KCNC4: variants seen among roughly 807,000 people sequenced by gnomAD.
The protein encoded by KCNC4 is potassium voltage-gated channel subfamily C member 4.
In KCNC4, 23 loss-of-function variants were observed where a neutral mutation model predicts 42.8. That is an observed-to-expected ratio of 0.54 (90% CI 0.39 to 0.76). The LOEUF (loss-of-function observed/expected upper bound fraction) is 0.76, where lower values mean the gene tolerates loss of function less well. Among genes scored for constraint, KCNC4 ranks in the 30% least tolerant of loss-of-function variants. The pLI, the probability that KCNC4 is intolerant of heterozygous loss-of-function variation, is 0.00. For missense variants in KCNC4, 751 were observed against 898.2 expected (o/e 0.84, Z 2.10); for synonymous variants, 422 against 393.5 (o/e 1.07, Z -0.86).
intron 1 of KCNC4, among the ~76,000 whole-genome samples, chr1:110,280,447 G>A (rs921803882): frequency 6.6e-6 from 1 of 152,084 alleles, no homozygotes; most frequent in Non-Finnish European, 1.5e-5. Context: ...TGAGACCTTA[G>A]GGAAGGCGGA....
intron 1 of KCNC4, among the ~76,000 whole-genome samples, chr1:110,263,814 C>T (rs1659493684): frequency 7.5e-6 from 1 of 134,186 alleles, no homozygotes; most frequent in Non-Finnish European, 1.5e-5. Flanking sequence ...CTCTAGCAAG[C>T]TTTCAGTGAG....
intron 1 of KCNC4, among the ~76,000 whole-genome samples, chr1:110,279,022 A>T (rs1446657374): frequency 2.0e-5 from 3 of 152,076 alleles, no homozygotes; most frequent in Non-Finnish European, 4.4e-5. Context: ...GGGGTGGGGA[A>T]GCTCTTCATC....
At chr1:110,246,869 A>G (rs935092489) in exon 4 of KCNC4, 2 of 150,696 alleles carry the variant, frequency 1.3e-5, no homozygotes, top group African/African-American at 4.9e-5. Flanking sequence ...CGGTCACTCA[A>G]ATAACATACA....
intron 1 of KCNC4, among the ~76,000 whole-genome samples, chr1:110,217,544 C>G (rs1395648281): frequency 6.6e-6 from 1 of 152,176 alleles, no homozygotes; most frequent in East Asian, 1.9e-4. Context: ...TTCCATTTGA[C>G]TGAATAGCGG....
In KCNC4 at chr1:110,233,212, A is replaced by T. The variant is rs1175994089; in HGVS notation, c.*240A>T. On this transcript the variant is annotated 3_prime_UTR_variant, in exon 4 of 4. Transcript: ENST00000438661. ...TATAGTATCTATATTCATACATATT[A>T]TACTCTTGTGTGTAGTGCACGTGCT... 6 of 600,892 alleles carry T rather than the reference A, an allele frequency of 1.0e-5. No homozygotes were observed. The highest frequency in any genetic ancestry group is 1.9e-5 in the African/African-American group (1 of 53,868). 37.2% of individuals were successfully genotyped at this position (600,892 alleles called of 1,614,324 possible). A position where few individuals can be genotyped will look rare whatever the true frequency, so the allele number is the denominator to read the frequency against.
At chr1:110,217,489 G>A (rs1415497873) in intron 1 of KCNC4, among the ~76,000 whole-genome samples, 6 of 152,234 alleles carry the variant, frequency 3.9e-5, no homozygotes, top group Non-Finnish European at 8.8e-5. Context: ...ACCAGCTCAA[G>A]CAGAGCTTGG....
At chr1:110,231,507 T>A (rs1025162227) in intron 3 of KCNC4, among the ~76,000 whole-genome samples, 3 of 152,178 alleles carry the variant, frequency 2.0e-5, no homozygotes, top group African/African-American at 7.2e-5. Context: ...ACAGCCTTGC[T>A]GTGACTCCTT....
intron 3 of KCNC4, among the ~76,000 whole-genome samples, chr1:110,228,371 C>T (rs1359654870): frequency 2.0e-5 from 3 of 152,098 alleles, no homozygotes; most frequent in Non-Finnish European, 4.4e-5. Context: ...GTGTGGGGCC[C>T]TGGAGTCTGT....
At position 110,211,960 on chromosome 1, in the gene KCNC4, C is replaced by T; in HGVS notation, c.461C>T (p.Ala154Val). 1 of 1,611,218 alleles carries T rather than the reference C, an allele frequency of 6.2e-7. No homozygotes were observed. The highest frequency in any genetic ancestry group is 8.5e-7 in the Non-Finnish European group (1 of 1,179,716). Residue 154 changes from alanine to valine, a missense_variant, in exon 1 of 4, where the codon GCC becomes GTC. Transcript: ENST00000438661. The surrounding 1 kb of genome is among the most constrained non-coding windows in gnomAD (Gnocchi z 6.5). ...CWMTYRQHRD[A>V]EEALDIFESP... is the part of the protein sequence containing the mutation. ...ATGACCTACCGGCAGCACCGCGACG[C>T]CGAGGAGGCGCTCGACATCTTCGAG... is the stretch of plus-strand genomic sequence containing the variant.
intron 3 of KCNC4, chr1:110,228,388 G>A (rs1437049434): frequency 6.6e-6 from 1 of 152,312 alleles, no homozygotes; most frequent in Non-Finnish European, 1.5e-5. Flanking sequence ...CTGTCCTCAG[G>A]AGCCCAGGAG....
intron 3 of KCNC4, chr1:110,228,995 C>T (rs535320552): frequency 6.6e-6 from 1 of 152,358 alleles, no homozygotes; most frequent in South Asian, 2.1e-4. Flanking sequence ...CTCTCGGGGT[C>T]CCACCAGGGC....
chr1:110,276,972 AT>A (rs758109358), intron 1 of KCNC4, among the ~76,000 whole-genome samples: 23 of 152,108 alleles, frequency 1.5e-4, no homozygotes, highest in Non-Finnish European at 2.6e-4. Context: ...CCACCCACAC[AT>A]TTTTCATTAT....
At chr1:110,232,232 C>T in intron 3 of KCNC4, 2 of 1,613,968 alleles carry the variant, frequency 1.2e-6, no homozygotes, top group Non-Finnish European at 8.5e-7. Flanking sequence ...CACATTCGTC[C>T]TCCGTGACCT....
In KCNC4 at chr1:110,226,139, A is replaced by G. The variant is rs772336869; in HGVS notation, c.1780A>G (p.Thr594Ala). ...KKAAACFLLS[T>A]GDYACADGSV... is the part of the protein sequence containing the mutation. The stretch of plus-strand genomic sequence containing the variant: ...GGCAGCTGCCTGCTTCCTGCTCAGC[A>G]CTGGGGACTATGCCTGCGCCGATGG... The change falls in exon 3 of 4, where the codon ACT becomes GCT. Residue 594 changes from threonine to alanine, a missense_variant. This residue lies in a region of KCNC4 where 202 missense variants were observed against 181.5 expected (regional missense o/e 1.11). Coordinates refer to ENST00000438661, the MANE Select transcript of KCNC4 (RefSeq NM_001039574.3). The G allele has an allele frequency of 3.7e-6, 6 of 1,613,986 alleles. No individual in the cohort carries two copies. The South Asian group carries it at 6.6e-5, about 18-fold the overall frequency.
Position 110,223,538 on chromosome 1 carries a change from C to T in KCNC4, c.1253C>T (p.Thr418Ile). The T allele has an allele frequency of 6.2e-7, 1 of 1,613,972 alleles. No individual in the cohort carries two copies. The change falls in exon 2 of 4, where the codon ACC becomes ATC. Residue 418 changes from threonine to isoleucine, a missense_variant. Around this residue, in one of 4 missense-constraint regions of KCNC4, gnomAD observed 185 missense variants for 293.7 expected, o/e 0.63. Coordinates refer to ENST00000438661, the MANE Select transcript of KCNC4 (RefSeq NM_001039574.3). This position sits in a 1 kb window ranked among gnomAD's most constrained non-coding sequence, Gnocchi z 7.5. Reference sequence around the variant, plus strand: ...TCCGACCCTCGGGGTAATGACCACACCGACTTCAAGAACATCCCCATTGGC... The same window carrying T: ...TCCGACCCTCGGGGTAATGACCACATCGACTTCAAGAACATCCCCATTGGC... The part of the protein sequence containing the change: ...RPSDPRGNDH[T>I]DFKNIPIGFW...
At chr1:110,228,323 A>G (rs1658515195) in intron 3 of KCNC4, among the ~76,000 whole-genome samples, 1 of 152,066 alleles carries the variant, frequency 6.6e-6, no homozygotes, top group Non-Finnish European at 1.5e-5. Flanking sequence ...GCTGGTGGGA[A>G]GCTTACCTGG....
chr1:110,263,500 A>G (rs1412319535), intron 1 of KCNC4, among the ~76,000 whole-genome samples: 1 of 152,124 alleles, frequency 6.6e-6, no homozygotes, highest in Non-Finnish European at 1.5e-5. Flanking sequence ...CTTCAGCCAG[A>G]AAGGATGATC....
Position 110,211,688 on chromosome 1 carries a change from C to T in KCNC4, c.189C>T (p.Ala63=). ...GCACCCTACCGGGAACCCGCCTCGC[C>T]TGGCTGGCCGACCCCGACGGCGGGG... The part of the protein sequence containing the change: ...TLRTLPGTRL[A]WLADPDGGGR... Residue 63 remains alanine (A), a synonymous_variant, in exon 1 of 4, where the codon GCC becomes GCT. Coordinates refer to ENST00000438661, the MANE Select transcript of KCNC4 (RefSeq NM_001039574.3). This position sits in a 1 kb window ranked among gnomAD's most constrained non-coding sequence, Gnocchi z 6.5. The T allele has an allele frequency of 1.2e-6, 2 of 1,611,286 alleles. No homozygotes were observed. The highest frequency in any genetic ancestry group is 8.5e-7 in the Non-Finnish European group (1 of 1,178,806).
rs565919807 is a variant in KCNC4 at position 110,269,503 on chromosome 1, G to A, written n.31-13031G>A. The stretch of plus-strand genomic sequence containing the variant: ...GCAAGCAGCAGTAGTCCATTGCTAG[G>A]TAGTATTCTGAAGTATGGATGTACC... On this transcript the variant is annotated intron_variant and non_coding_transcript_variant, in intron 1 of 2. Transcript: ENST00000412512. 7.9e-5 allele frequency among the ~76,000 whole-genome samples: 12 copies of A among 152,288 alleles called. No homozygotes were observed. In the South Asian group the frequency reaches 2.3e-3, roughly 29 times the overall value.
Sources: gnomAD v4.1 joint callset for allele counts (sites outside exome capture counted in the v4.1 genomes callset) on GRCh38, gnomAD v4.1.1 for gene constraint, gnomAD v4.1.1 regional missense constraint, Gnocchi (gnomAD v3.1) non-coding constraint, MANE v1.5 for transcripts, NCBI Gene and HGNC (gene_info 2026-07-23, HGNC 2026-07-21) for gene names.